Variants in HBS1L observed in about 807,000 individuals in gnomAD.
HBS1L encodes the protein HBS1 like translational GTPase.
Under a neutral mutation model 88.9 loss-of-function variants are expected in HBS1L, and 55 were observed. The ratio of observed to expected loss-of-function variants is 0.62; its 90% CI spans 0.50 to 0.77. The LOEUF is 0.77. Among genes scored for constraint, HBS1L ranks in the 30% least tolerant of loss-of-function variants. The pLI is 0.00. For synonymous variants in HBS1L, 267 were observed against 288.5 expected, an observed-to-expected ratio of 0.93 and a Z score of 0.76; for missense variants, 741 against 829.3, an observed-to-expected ratio of 0.89 and a Z score of 1.31.
chr6:135,012,320 C>T (rs1458240435), intron 4 of HBS1L, among the ~76,000 whole-genome samples: 1 of 152,150 alleles, frequency 6.6e-6, no homozygotes, highest in African/African-American at 2.4e-5. Flanking sequence ...TATCATATCA[C>T]TATGCAACCG....
At chr6:135,045,219 A>G (rs936012075) in intron 2 of HBS1L, among the ~76,000 whole-genome samples, 1 of 152,210 alleles carries the variant, frequency 6.6e-6, no homozygotes, top group Admixed American at 6.5e-5. Context: ...CAACAAATAC[A>G]ACAAATAAAG....
chr6:135,035,279 G>C (rs548364769), intron 4 of HBS1L, among the ~76,000 whole-genome samples: 1 of 150,334 alleles, frequency 6.7e-6, no homozygotes, highest in Non-Finnish European at 1.5e-5. Flanking sequence ...GTGAAACCCC[G>C]TCTCTACTAA....
chr6:134,982,699 T>A (rs1774866373), intron 12 of HBS1L, 137 bp from the exon 13 acceptor site: 1 of 477,220 alleles, frequency 2.1e-6, no homozygotes, highest in African/African-American at 2.0e-5. Flanking sequence ...ATTTCAGAAT[T>A]AACATCTCTA....
chr6:134,991,628 C>A (rs1775142019), intron 8 of HBS1L, among the ~76,000 whole-genome samples: 1 of 152,160 alleles, frequency 6.6e-6, no homozygotes, highest in Non-Finnish European at 1.5e-5. Flanking sequence ...TTATTTCAAT[C>A]TTTTATCACA....
rs1315722670 is a variant in HBS1L at position 134,978,694 on chromosome 6, G to C, written c.1782C>G (p.Ile594Met). The change falls in exon 15 of 18, where the codon ATC becomes ATG. Residue 594 changes from isoleucine to methionine, a missense_variant. Physicochemically the swap from Ile to Met is conservative, Grantham distance 10 (BLOSUM62 1). Around this residue, in one of 3 missense-constraint regions of HBS1L, gnomAD observed 181 missense variants for 212.7 expected, o/e 0.85. Coordinates refer to ENST00000367837, the MANE Select transcript of HBS1L (RefSeq NM_006620.4). ...RILIFNIEIP[I>M]TKGFPVLLHY... ...TGGAACTTACAGGAAATCCTTTAGT[G>C]ATAGGAATTTCAATATTAAAGATGA... is the stretch of plus-strand genomic sequence containing the variant. The C allele has an allele frequency of 6.3e-7, 1 of 1,577,452 alleles. No individual in the cohort carries two copies. Among genetic ancestry groups the C allele is most frequent in the Non-Finnish European group, 8.7e-7 (1 of 1,151,564 alleles).
Position 134,978,568 on chromosome 6 carries a change from G to A in HBS1L, c.1797+111C>T. On this transcript the variant is annotated intron_variant, in intron 15 of 17. Coordinates refer to ENST00000367837, the MANE Select transcript of HBS1L (RefSeq NM_006620.4). ...TTTTTCTGGATTACAGTAATAAGAT[G>A]TTAATTCAAAATAAATATAGTATCA... is the stretch of plus-strand genomic sequence containing the variant. 3 of 560,970 alleles carry A rather than the reference G, an allele frequency of 5.3e-6. No homozygotes were observed. In the South Asian group the frequency reaches 9.5e-5, roughly 18 times the overall value. 34.7% of individuals were successfully genotyped at this position (560,970 alleles called of 1,614,324 possible).
At chr6:135,053,907 G>A (rs1275470296) in intron 1 of HBS1L, among the ~76,000 whole-genome samples, 3 of 152,168 alleles carry the variant, frequency 2.0e-5, no homozygotes, top group Admixed American at 1.3e-4. Context: ...CATTCATACA[G>A]ACATTTTTAT....
intron 5 of HBS1L, 73 bp from the exon 6 acceptor site, chr6:134,997,729 G>A (rs1775333078): frequency 2.2e-6 from 3 of 1,372,852 alleles, no homozygotes; most frequent in African/African-American, 1.4e-5. Flanking sequence ...GAAGGGCAGA[G>A]AAACTGTTTC....
rs7774749 is a variant in HBS1L, at chr6:135,035,979, T to C, written c.430+3594A>G. 0.01 allele frequency: 6,389 copies of C among 635,216 alleles called. 377 individuals carry two copies. In the African/African-American group the frequency reaches 0.12, roughly 12 times the overall value. The allele number at this position is 635,216 out of a possible 1,614,324, so 39.3% of individuals were successfully genotyped here. A position where few individuals can be genotyped will look rare whatever the true frequency, so the allele number is the denominator to read the frequency against. ...TATATTTACATGGTCCCTTAAAAGA[T>C]TTTCATTTTATTATTATCAAAAATG... On this transcript the variant is annotated intron_variant, in intron 4 of 17. Transcript: ENST00000367837.
chr6:134,969,442 G>T, intron 15 of HBS1L, 104 bp from the exon 16 acceptor site: 1 of 724,080 alleles, frequency 1.4e-6, no homozygotes, highest in Non-Finnish European at 2.4e-6. Flanking sequence ...CTACTGCTTG[G>T]AGTCTTTCAG....
In HBS1L at chr6:135,001,045, T is replaced by C. The variant is rs1241014399; in HGVS notation, c.539+1689A>G. On this transcript the variant is annotated intron_variant, in intron 5 of 17. Coordinates refer to ENST00000367837, the MANE Select transcript of HBS1L (RefSeq NM_006620.4). ...GATCTATAACTACAGACCTTTCACA[T>C]TCTAATGACTTCTCCCATAGAGCCA... Among the ~76,000 whole-genome samples the C allele has an allele frequency of 2.0e-5, 3 of 152,178 alleles. No individual in the cohort carries two copies. In the East Asian group the frequency reaches 5.8e-4, roughly 29 times the overall value.
chr6:134,993,728 G>T, intron 8 of HBS1L, 30 bp downstream of exon 8: 2 of 997,568 alleles, frequency 2.0e-6, no homozygotes, highest in Non-Finnish European at 3.0e-6. Context: ...AGTACAATCA[G>T]CACACTATAG....
intron 15 of HBS1L, among the ~76,000 whole-genome samples, chr6:134,970,375 C>T (rs1411542818): frequency 6.6e-5 from 10 of 152,124 alleles, no homozygotes; most frequent in Non-Finnish European, 1.2e-4. Context: ...TCAGGTGATC[C>T]GACTGCCTCG....
chr6:135,006,205 AAAAT>A (rs1196979000), intron 4 of HBS1L, among the ~76,000 whole-genome samples: 5 of 152,294 alleles, frequency 3.3e-5, no homozygotes, highest in Admixed American at 2.0e-4. Flanking sequence ...GCTAATTTTA[AAAAT>A]AAATAAAATA....
At chr6:134,977,240 A>C (rs1392446583) in intron 15 of HBS1L, among the ~76,000 whole-genome samples, 3 of 152,044 alleles carry the variant, frequency 2.0e-5, no homozygotes, top group African/African-American at 4.8e-5. Flanking sequence ...TTTTTAAGAA[A>C]CTACAGTAGT....
chr6:135,003,079 T>C (rs1227542739), intron 4 of HBS1L, among the ~76,000 whole-genome samples: 2 of 152,164 alleles, frequency 1.3e-5, no homozygotes, highest in African/African-American at 4.8e-5. Flanking sequence ...ACCAAATCTC[T>C]TCCTAATTTT....
intron 7 of HBS1L, among the ~76,000 whole-genome samples, chr6:134,994,570 G>A (rs1775240038): frequency 6.6e-6 from 1 of 151,968 alleles, no homozygotes; most frequent in African/African-American, 2.4e-5. Flanking sequence ...GGTATCTTGG[G>A]GATGGGACCC....
At position 134,990,083 on chromosome 6, in the gene HBS1L, A is replaced by T. The variant is rs561596688; in HGVS notation, c.1084-2292T>A. Among the ~76,000 whole-genome samples the T allele has an allele frequency of 7.2e-5, 11 of 152,314 alleles. No homozygotes were observed. In the South Asian group the frequency reaches 2.1e-3, roughly 29 times the overall value. On this transcript the variant is annotated intron_variant, in intron 8 of 17. Coordinates refer to ENST00000367837, the MANE Select transcript of HBS1L (RefSeq NM_006620.4). ...AGGTTTTCATAATAACTGTAAAATTATATTTACCTTCTTAGGTTAAAATGT... is the reference window on the plus strand; with the variant it reads ...AGGTTTTCATAATAACTGTAAAATTTTATTTACCTTCTTAGGTTAAAATGT...
intron 17 of HBS1L, 95 bp from the exon 18 acceptor site, chr6:134,965,385 A>G: frequency 2.4e-6 from 2 of 840,346 alleles, no homozygotes; most frequent in South Asian, 3.1e-5. Flanking sequence ...GAATTATTAT[A>G]TCAAGAGAAA....
Sources: allele counts gnomAD v4.1 joint callset (sites outside exome capture counted in the v4.1 genomes callset), GRCh38; gene constraint gnomAD v4.1.1; regional missense constraint gnomAD v4.1.1; transcripts MANE v1.5; gene names NCBI Gene and HGNC (gene_info 2026-07-23, HGNC 2026-07-21).